Variants in SUSD4 observed in about 807,000 individuals in gnomAD.
The protein encoded by SUSD4 is sushi domain containing 4, also known as sushi domain-containing protein 4.
Under a neutral mutation model 50.5 loss-of-function variants are expected in SUSD4, and 41 were observed. The observed-to-expected ratio is 0.81, with a 90% CI of 0.63 to 1.05. The LOEUF (loss-of-function observed/expected upper bound fraction) is 1.05. Ranked by LOEUF, SUSD4 falls within the 50% of genes least tolerant of loss-of-function variation. The probability of loss-of-function intolerance (pLI) is 0.00; values close to 1 mark genes in which losing one functional copy is unlikely to be tolerated. For synonymous variants in SUSD4, 257 were observed against 257.3 expected, an observed-to-expected ratio of 1.00 and a Z score of 0.01; for missense variants, 580 against 634.7, an observed-to-expected ratio of 0.91 and a Z score of 0.93.
chr1:223,335,086 T>C (rs1195167232), intron 2 of SUSD4, among the ~76,000 whole-genome samples: 1 of 152,204 alleles, frequency 6.6e-6, no homozygotes, highest in East Asian at 1.9e-4. Context: ...CTCAATCATA[T>C]ATATATATAC....
intron 2 of SUSD4, among the ~76,000 whole-genome samples, chr1:223,316,952 G>A (rs1434716601): frequency 6.6e-6 from 1 of 152,146 alleles, no homozygotes; most frequent in Non-Finnish European, 1.5e-5. Context: ...GAGTCTGGCA[G>A]CGCAGACCTT....
At chr1:223,341,641 C>T (rs773710413) in intron 2 of SUSD4, among the ~76,000 whole-genome samples, 16 of 152,180 alleles carry the variant, frequency 1.1e-4, no homozygotes, top group Admixed American at 2.6e-4. Context: ...AATACACAAA[C>T]GGAGGGACAA....
chr1:223,259,920 C>T (rs1367415409), intron 5 of SUSD4, among the ~76,000 whole-genome samples: 1 of 152,166 alleles, frequency 6.6e-6, no homozygotes, highest in Non-Finnish European at 1.5e-5. Flanking sequence ...TGAGCTCCAC[C>T]ACACTTCAAA....
intron 2 of SUSD4, among the ~76,000 whole-genome samples, chr1:223,326,931 T>C (rs1288646185): frequency 1.3e-5 from 2 of 152,202 alleles, no homozygotes; most frequent in African/African-American, 2.4e-5. Context: ...GAAAACAGTA[T>C]GGAGATTCCT....
intron 2 of SUSD4, among the ~76,000 whole-genome samples, chr1:223,345,918 T>C (rs1302164367): frequency 6.6e-6 from 1 of 152,160 alleles, no homozygotes; most frequent in African/African-American, 2.4e-5. Context: ...CTCCGGGCCT[T>C]CAGCACCTCT....
chr1:223,321,414 C>T (rs1666565275), intron 2 of SUSD4, among the ~76,000 whole-genome samples: 1 of 152,170 alleles, frequency 6.6e-6, no homozygotes, highest in South Asian at 2.1e-4. Context: ...AGGGCTGTTA[C>T]GAGGTTTAAA....
upstream of SUSD4, among the ~76,000 whole-genome samples, chr1:223,365,067 G>C (rs1669241021): frequency 6.6e-6 from 1 of 152,124 alleles, no homozygotes; most frequent in African/African-American, 2.4e-5. Context: ...CGGGGGTAGC[G>C]GGTGATTGGT....
intron 2 of SUSD4, among the ~76,000 whole-genome samples, chr1:223,308,552 A>G (rs939231673): frequency 1.3e-5 from 2 of 152,242 alleles, no homozygotes; most frequent in African/African-American, 4.8e-5. Flanking sequence ...GGCCTAATAC[A>G]TTAAGAAATA....
At chr1:223,345,064 T>C (rs1004171346) in intron 2 of SUSD4, among the ~76,000 whole-genome samples, 7 of 152,240 alleles carry the variant, frequency 4.6e-5, no homozygotes, top group African/African-American at 1.7e-4. Flanking sequence ...ACATATACAC[T>C]ATTCCTGTCA....
intron 2 of SUSD4, among the ~76,000 whole-genome samples, chr1:223,343,605 G>C (rs879824361): frequency 6.6e-6 from 1 of 152,076 alleles, no homozygotes; most frequent in Admixed American, 6.6e-5. Flanking sequence ...ATACTATTTG[G>C]GGGGAGAATG....
At chr1:223,364,591 G>T (rs61838252), upstream of SUSD4, among the ~76,000 whole-genome samples, 1 of 150,452 alleles carries the variant, frequency 6.6e-6, no homozygotes, top group East Asian at 2.0e-4. This position sits in a 1 kb window ranked among gnomAD's most constrained non-coding sequence, Gnocchi z 4.5. Context: ...CTTCCCCGGC[G>T]CTGGACTGCA....
chr1:223,259,811 CTTA>C (rs1434829806), intron 5 of SUSD4, among the ~76,000 whole-genome samples: 1 of 152,100 alleles, frequency 6.6e-6, no homozygotes, highest in Non-Finnish European at 1.5e-5. Flanking sequence ...GGTTCATTTA[CTTA>C]TTGTTATGCT....
At chr1:223,307,270 T>A (rs1665595275) in intron 2 of SUSD4, among the ~76,000 whole-genome samples, 1 of 152,264 alleles carries the variant, frequency 6.6e-6, no homozygotes, top group African/African-American at 2.4e-5. Context: ...TTGTTTTTTA[T>A]GAAATCAAAT....
chr1:223,301,491 C>T (rs1331386591), intron 2 of SUSD4, among the ~76,000 whole-genome samples: 1 of 152,184 alleles, frequency 6.6e-6, no homozygotes, highest in Non-Finnish European at 1.5e-5. Context: ...ACATTGCCCT[C>T]AGCAGTAAAA....
At chr1:223,358,660 G>T (rs551293993) in intron 2 of SUSD4, among the ~76,000 whole-genome samples, 2 of 152,212 alleles carry the variant, frequency 1.3e-5, no homozygotes, top group African/African-American at 4.8e-5. Context: ...TCTCTGACTT[G>T]CCTCTTCAGG....
At chr1:223,339,230 G>A (rs193249564) in intron 2 of SUSD4, among the ~76,000 whole-genome samples, 68 of 152,318 alleles carry the variant, frequency 4.5e-4, no homozygotes, top group African/African-American at 1.6e-3. Flanking sequence ...GTCTCTGAAG[G>A]TGACATTTAC....
At chr1:223,303,444 G>A (rs1346018378) in intron 2 of SUSD4, among the ~76,000 whole-genome samples, 1 of 152,180 alleles carries the variant, frequency 6.6e-6, no homozygotes, top group Admixed American at 6.5e-5. Flanking sequence ...TCCAAAGAGT[G>A]AGCTTACATC....
intron 3 of SUSD4, among the ~76,000 whole-genome samples, chr1:223,274,550 A>T (rs1231150419): frequency 1.3e-5 from 2 of 152,236 alleles, no homozygotes; most frequent in African/African-American, 2.4e-5. Flanking sequence ...CGTGAAAAAC[A>T]GTTGGTCAAA....
chr1:223,264,214 C>T (rs1662318682), intron 5 of SUSD4: 31 of 985,386 alleles, frequency 3.1e-5, no homozygotes, highest in Non-Finnish European at 3.6e-5. Flanking sequence ...TGCAGCAAAA[C>T]ATTTACAGCT....
Sources: allele counts gnomAD v4.1 joint callset (sites outside exome capture counted in the v4.1 genomes callset), GRCh38; gene constraint gnomAD v4.1.1; non-coding constraint Gnocchi (gnomAD v3.1); transcripts MANE v1.5; gene names NCBI Gene and HGNC (gene_info 2026-07-23, HGNC 2026-07-21).